The following OGDHL variants were observed in gnomAD, a reference collection of about 807,000 sequenced individuals.
The protein encoded by OGDHL is 2-oxoglutarate dehydrogenase-like, mitochondrial.
In OGDHL, 79 loss-of-function variants were observed where a neutral mutation model predicts 109.6. The ratio of observed to expected loss-of-function variants is 0.72; its 90% CI spans 0.60 to 0.87. The LOEUF (loss-of-function observed/expected upper bound fraction) is 0.87. OGDHL is among the 40% of genes least tolerant of loss of function. The pLI, the probability that OGDHL is intolerant of heterozygous loss-of-function variation, is 0.00. For synonymous variants in OGDHL, 528 were observed against 537.2 expected (o/e 0.98, Z 0.24); for missense variants, 1,275 against 1,362.2 (o/e 0.94, Z 1.01).
At chr10:49,751,762 G>A (rs1842605337) in intron 6 of OGDHL, 65 bp downstream of exon 6, 3 of 1,570,930 alleles carry the variant, frequency 1.9e-6, no homozygotes, top group South Asian at 1.2e-5. Context: ...TAGGCAGGGT[G>A]TGGGACGTCT....
Position 49,744,716 on chromosome 10 carries a change from C to T in OGDHL, c.1666G>A (p.Ala556Thr). ...IAKYDRICEE[A>T]YGRSKDKKIL... ...TTTTTATCCTTGGACCTGCCATAAG[C>T]CTCCTCACAGATCCGGTCGTATTTG... The change falls in exon 13 of 23, where the codon GCT becomes ACT. Residue 556 changes from alanine to threonine, a missense_variant. Transcript: ENST00000374103. 1.2e-6 allele frequency: 2 copies of T among 1,614,206 alleles called. No homozygotes were observed. The highest frequency in any genetic ancestry group is 4.5e-5 in the East Asian group (2 of 44,884).
chr10:49,752,650 T>C lies in OGDHL; in HGVS notation c.466A>G (p.Ile156Val), dbSNP rs763952284. 1.9e-6 allele frequency: 3 copies of C among 1,613,998 alleles called. No homozygotes were observed. The highest frequency in any genetic ancestry group is 1.1e-5 in the South Asian group (1 of 91,086). The change falls in exon 4 of 23, where the codon ATT (isoleucine) becomes GTT (valine). Residue 156 changes from isoleucine to valine, a missense_variant. Physicochemically the swap from Ile to Val is conservative, Grantham distance 29. Transcript: ENST00000374103. Reference protein sequence around the residue: ...SFVPSDLITTIDKLAFYDLQE... With the variant: ...SFVPSDLITTVDKLAFYDLQE... ...GGAAGGGTCTTACCCAGTTTATCAA[T>C]GGTTGTGATCAAGTCTGAGGGCACA...
chr10:49,757,478 C>T (rs1842985344), intron 2 of OGDHL, among the ~76,000 whole-genome samples: 1 of 152,216 alleles, frequency 6.6e-6, no homozygotes, highest in Non-Finnish European at 1.5e-5. Context: ...AAATTATACA[C>T]AGCCACTCCT....
chr10:49,738,699 C>G, intron 17 of OGDHL: 1 of 193,318 alleles, frequency 5.2e-6, no homozygotes, highest in Admixed American at 5.3e-5. Flanking sequence ...AGAAACCACC[C>G]ATGACCACAC....
intron 17 of OGDHL, chr10:49,739,432 G>A (rs771498851): frequency 4.0e-6 from 2 of 495,474 alleles, no homozygotes; most frequent in Admixed American, 3.6e-5. Flanking sequence ...ACAGTGCCTG[G>A]CGCACAGCAA....
Position 49,747,115 on chromosome 10 carries a change from GGTTGGCAACCAGCGACA to G in OGDHL, c.1064_1080del (p.Leu355ProfsTer49), listed in dbSNP as rs755053015. The G allele has an allele frequency of 1.4e-5, 23 of 1,614,064 alleles. No individual in the cohort carries two copies. Among genetic ancestry groups the G allele is most frequent in the Non-Finnish European group, 1.9e-5 (23 of 1,180,016 alleles). On this transcript the variant is annotated frameshift_variant, in exon 9 of 23. Transcript: ENST00000374103. LOFTEE classifies it high-confidence loss of function. The stretch of plus-strand genomic sequence containing the variant: ...GGGTCCACTGCCTCCAGGTGGGAGG[GGTTGGCAACCAGCGACA>G]GAGTGATGTTCCGGTTGGTGACGCG...
At chr10:49,760,067 CCTT>C (rs1445171843) in intron 1 of OGDHL, among the ~76,000 whole-genome samples, 4 of 152,244 alleles carry the variant, frequency 2.6e-5, no homozygotes, top group Non-Finnish European at 5.9e-5. Context: ...GCACAGCCCT[CCTT>C]CTAACTCACA....
In OGDHL at chr10:49,736,173, G is replaced by T. The variant is rs1415243995; in HGVS notation, c.2759C>A (p.Ser920Tyr). 2 of 1,586,722 alleles carry T rather than the reference G, an allele frequency of 1.3e-6. No homozygotes were observed. The highest frequency in any genetic ancestry group is 1.7e-6 in the Non-Finnish European group (2 of 1,166,480). The change falls in exon 22 of 23, where the codon TCT becomes TAT. Residue 920 changes from serine (S) to tyrosine (Y), a missense_variant. Physicochemically the swap from Ser to Tyr is moderately radical, Grantham distance 144 (BLOSUM62 -2). Transcript: ENST00000374103. ...CTTGATCAGGTCGAAGGGGAATGGA[G>T]AGATCTGGGGAGGCAGAAACAAAGG... Reference protein sequence around the residue: ...KVAITRLEQISPFPFDLIKQE... With the variant: ...KVAITRLEQIYPFPFDLIKQE...
At position 49,745,828 on chromosome 10, in the gene OGDHL, G is replaced by A. The variant is rs762174983; in HGVS notation, c.1446C>T (p.Asn482=). The part of the protein sequence containing the change: ...YVCSVAAEWR[N]TFNKDVVVDL... ...CCACGACAACATCTTTGTTGAAAGT[G>A]TTTCTCCATTCGGCTGCCACACTGC... The change falls in exon 11 of 23, where the codon AAC becomes AAT. Residue 482 remains asparagine, a synonymous_variant. Transcript: ENST00000374103. 2.5e-6 allele frequency: 4 copies of A among 1,614,180 alleles called. No individual in the cohort carries two copies. The highest frequency in any genetic ancestry group is 3.4e-6 in the Non-Finnish European group (4 of 1,180,036).
At chr10:49,735,477 T>C in intron 22 of OGDHL, 126 bp from the exon 23 acceptor site, 1 of 1,141,350 alleles carries the variant, frequency 8.8e-7, no homozygotes, top group Non-Finnish European at 1.2e-6. Flanking sequence ...AGACCCTGCC[T>C]TTTGGCCCTG....
rs1842673555 is a variant in OGDHL, at chr10:49,752,530, C to G, written c.478+108G>C. The G allele has an allele frequency of 8.3e-6, 8 of 965,880 alleles. No homozygotes were observed. In the Middle Eastern group the frequency reaches 8.5e-4, roughly 102 times the overall value. 59.8% of individuals were successfully genotyped at this position (965,880 alleles called of 1,614,324 possible). A position where few individuals can be genotyped will look rare whatever the true frequency, so the allele number is the denominator to read the frequency against. On this transcript the variant is annotated intron_variant, in intron 4 of 22. Transcript: ENST00000374103. ...TAGAAAGGAGGCCCTGTGGGCTGCTCCCCGAGCTCCATGGATTCCCAAGGA... is the reference window on the plus strand; with the variant it reads ...TAGAAAGGAGGCCCTGTGGGCTGCTGCCCGAGCTCCATGGATTCCCAAGGA...
chr10:49,749,912 C>T lies in OGDHL; in HGVS notation c.897-96G>A, dbSNP rs187914369. On this transcript the variant is annotated intron_variant, in intron 7 of 22. Transcript: ENST00000374103. ...AGGCCTGGCCTGGCCTAATACAGCC[C>T]CTTCGTGCCCAGAGCCCTCCTCAGG... The T allele has an allele frequency of 3.3e-3, 3,378 of 1,032,348 alleles. 16 individuals carry two copies. The highest frequency in any genetic ancestry group is 0.022 in the Middle Eastern group (79 of 3,576). The allele number at this position is 1,032,348 out of a possible 1,614,324, so 63.9% of individuals were successfully genotyped here. A position where few individuals can be genotyped will look rare whatever the true frequency, so the allele number is the denominator to read the frequency against.
At chr10:49,741,072 G>A (rs910027918) in intron 15 of OGDHL, among the ~76,000 whole-genome samples, 3 of 152,096 alleles carry the variant, frequency 2.0e-5, no homozygotes, top group South Asian at 2.1e-4. Flanking sequence ...TGCTAGCAGC[G>A]CCCACACACC....
rs746449761 is a variant in OGDHL, at chr10:49,742,969, C to T, written c.1871G>A (p.Arg624His). The change falls in exon 15 of 23, where the codon CGC becomes CAC. Residue 624 changes from arginine to histidine, a missense_variant. Physicochemically the swap from Arg to His is conservative, Grantham distance 29. Coordinates refer to ENST00000374103, the MANE Select transcript of OGDHL (RefSeq NM_018245.3). ...EDFKIHTGLS[R>H]ILRGRADMTK... ...CATGTCCGCACGGCCCCGCAGAATGCGAGAGAGGCCTGTGGGAAAGGAGTG... is the reference window on the plus strand; with the variant it reads ...CATGTCCGCACGGCCCCGCAGAATGTGAGAGAGGCCTGTGGGAAAGGAGTG... 6.8e-6 allele frequency: 11 copies of T among 1,612,900 alleles called. No individual in the cohort carries two copies. Among genetic ancestry groups the T allele is most frequent in the East Asian group, 2.2e-5 (1 of 44,876 alleles).
At chr10:49,755,541 T>C (rs1842866475) in intron 3 of OGDHL, among the ~76,000 whole-genome samples, 1 of 152,116 alleles carries the variant, frequency 6.6e-6, no homozygotes, top group South Asian at 2.1e-4. Context: ...TGTTTGAAAA[T>C]GCTTATAATA....
chr10:49,752,007 G>A (rs1372690097), intron 5 of OGDHL, 26 bp from the exon 6 acceptor site: 18 of 1,613,574 alleles, frequency 1.1e-5, no homozygotes, highest in Non-Finnish European at 1.5e-5. Flanking sequence ...GGGACCCCAT[G>A]AGGAGCGGGG....
Position 49,737,953 on chromosome 10 carries a change from G to A in OGDHL, c.2511C>T (p.Arg837=), listed in dbSNP as rs746390853. 3.1e-6 allele frequency: 5 copies of A among 1,612,716 alleles called. No individual in the cohort carries two copies. Among genetic ancestry groups the A allele is most frequent in the African/African-American group, 1.3e-5 (1 of 74,928 alleles). ...VLRRQILLPF[R]KPLIIFTPKS... ...CCCTGGGACGGAGACTCACCGGCTT[G>A]CGGAAGGGCAGCAGGATCTGCCGGC... Residue 837 remains arginine (R), a synonymous_variant, in exon 19 of 23, where the codon CGC becomes CGT. Transcript: ENST00000374103.
chr10:49,743,900 C>T, intron 14 of OGDHL, 94 bp downstream of exon 14: 7 of 1,480,614 alleles, frequency 4.7e-6, no homozygotes, highest in Non-Finnish European at 5.5e-6. Flanking sequence ...GAATGCGACA[C>T]ACCATCTCTC....
rs989193447 is a variant in OGDHL, at chr10:49,752,534, G to A, written c.478+104C>T. ...AAGGAGGCCCTGTGGGCTGCTCCCC[G>A]AGCTCCATGGATTCCCAAGGATCAG... On this transcript the variant is annotated intron_variant, in intron 4 of 22. Transcript: ENST00000374103. 38 of 995,982 alleles carry A rather than the reference G, an allele frequency of 3.8e-5. No homozygotes were observed. In the East Asian group the frequency reaches 4.8e-4, roughly 12 times the overall value. The allele number at this position is 995,982 out of a possible 1,614,324, so 61.7% of individuals were successfully genotyped here. A position where few individuals can be genotyped will look rare whatever the true frequency, so the allele number is the denominator to read the frequency against.
Sources: gnomAD v4.1 joint callset for allele counts (sites outside exome capture counted in the v4.1 genomes callset) on GRCh38, gnomAD v4.1.1 for gene constraint, MANE v1.5 for transcripts, NCBI Gene and HGNC (gene_info 2026-07-23, HGNC 2026-07-21) for gene names.